SLC16A8: variants seen among roughly 807,000 people sequenced by gnomAD.
SLC16A8 encodes monocarboxylate transporter 3.
In SLC16A8, 20 loss-of-function variants were observed where a neutral mutation model predicts 22.4. The observed-to-expected ratio is 0.89, with a 90% CI of 0.63 to 1.30. SLC16A8 has a LOEUF of 1.30. Among genes scored for constraint, SLC16A8 ranks in the 50% most tolerant of loss-of-function variants. The probability of loss-of-function intolerance (pLI) is 0.00; values close to 1 mark genes in which losing one functional copy is unlikely to be tolerated. For synonymous variants in SLC16A8, 393 were observed against 358.8 expected, an observed-to-expected ratio of 1.10 and a Z score of -1.08; for missense variants, 817 against 740.3, an observed-to-expected ratio of 1.10 and a Z score of -1.20.
rs2085916888 is a variant in SLC16A8, at chr22:38,081,481, T to G, written c.557A>C (p.His186Pro). ...CATGACAGCCCCGCAGGCGCAGCAGTGCAGCAGGAGCCCGCCGAGCAGCAG... is the reference window on the plus strand; with the variant it reads ...CATGACAGCCCCGCAGGCGCAGCAGGGCAGCAGGAGCCCGCCGAGCAGCAG... The part of the protein sequence containing the change: ...GFLLLGGLLL[H>P]CCACGAVMRP... The change falls in exon 5 of 6, where the codon CAC becomes CCC. Residue 186 changes from histidine to proline, a missense_variant. Transcript: ENST00000681075. The G allele has an allele frequency of 7.2e-7, 1 of 1,392,316 alleles. No individual in the cohort carries two copies. The highest frequency in any genetic ancestry group is 9.2e-7 in the Non-Finnish European group (1 of 1,086,552). The allele number at this position is 1,392,316 out of a possible 1,614,324, so 86.2% of individuals were successfully genotyped here.
At chr22:38,079,534 A>G (rs1031126953) in intron 5 of SLC16A8, among the ~76,000 whole-genome samples, 8 of 152,032 alleles carry the variant, frequency 5.3e-5, no homozygotes, top group African/African-American at 1.7e-4. Flanking sequence ...CCATCCTCCC[A>G]CTTCAGCCTC....
In SLC16A8 at chr22:38,082,865, A is replaced by C. The variant is rs1438975335; in HGVS notation, c.9T>G (p.Ala3=). 11 of 1,542,724 alleles carry C rather than the reference A, an allele frequency of 7.1e-6. No individual in the cohort carries two copies. The highest frequency in any genetic ancestry group is 9.6e-6 in the Non-Finnish European group (11 of 1,148,440). The part of the protein sequence containing the change: MG[A]GGPRRGEGPP... ...GGCCCTCGCCCCGCCGGGGGCCGCC[A>C]GCGCCCATCGCTGCCTCTGTTGGGA... The change falls in exon 3 of 6, where the codon GCT becomes GCG. Residue 3 remains alanine (A), a synonymous_variant. Coordinates refer to ENST00000681075, the MANE Select transcript of SLC16A8 (RefSeq NM_013356.3).
Position 38,081,409 on chromosome 22 carries a change from C to A in SLC16A8, c.629G>T (p.Gly210Val). 1 of 1,342,180 alleles carries A rather than the reference C, an allele frequency of 7.5e-7. No homozygotes were observed. The highest frequency in any genetic ancestry group is 9.5e-7 in the Non-Finnish European group (1 of 1,052,886). 83.1% of individuals were successfully genotyped at this position (1,342,180 alleles called of 1,614,324 possible). ...GCCCGGAGCGTCCCCGGCGCGGTCG[C>A]CGGCGCTGTCCCTGCGCGGTCGCGG... ...PGPRPRRDSA[G>V]DRAGDAPGEA... The change falls in exon 5 of 6, where the codon GGC becomes GTC. Residue 210 changes from glycine to valine, a missense_variant. By Grantham distance (109) the Gly-to-Val change is moderately radical. Transcript: ENST00000681075.
Position 38,081,954 on chromosome 22 carries a change from C to T in SLC16A8, c.293G>A (p.Gly98Asp). 1 of 1,564,670 alleles carries T rather than the reference C, an allele frequency of 6.4e-7. No individual in the cohort carries two copies. Among genetic ancestry groups the T allele is most frequent in the Non-Finnish European group, 8.7e-7 (1 of 1,154,788 alleles). ...MLAGGLLASA[G>D]MILASFATRL... Reference sequence around the variant, plus strand: ...CGTGGCAAAGGAAGCTAGGATCATGCCCGCGGAAGCCAGCAGCCCACCCGC... The same window carrying T: ...CGTGGCAAAGGAAGCTAGGATCATGTCCGCGGAAGCCAGCAGCCCACCCGC... Residue 98 changes from glycine to aspartate, a missense_variant, in exon 4 of 6, where the codon GGC (glycine) becomes GAC (aspartate). By Grantham distance (94) the Gly-to-Asp change is moderately conservative. Transcript: ENST00000681075.
Position 38,081,153 on chromosome 22 carries a change from C to T in SLC16A8, c.885G>A (p.Val295=). The change falls in exon 5 of 6, where the codon GTG becomes GTA. Residue 295 remains valine (V), a synonymous_variant. Transcript: ENST00000681075. ...GGCGCGCCACGATGTCCACGAAGCC[C>T]ACGATGGACAGCAGGAAGGCGGCGT... The part of the protein sequence containing the change: ...DTDAAFLLSI[V]GFVDIVARPA... The T allele has an allele frequency of 6.5e-7, 1 of 1,550,106 alleles. No individual in the cohort carries two copies. The highest frequency in any genetic ancestry group is 8.7e-7 in the Non-Finnish European group (1 of 1,146,804).
chr22:38,082,732 G>C lies in SLC16A8; in HGVS notation c.142C>G (p.Arg48Gly), dbSNP rs1471366748. The change falls in exon 3 of 6, where the codon CGC becomes GGC. Residue 48 changes from arginine (R) to glycine (G), a missense_variant. Arg to Gly is a moderately radical substitution (Grantham distance 125, BLOSUM62 -2). Transcript: ENST00000681075. ...TCGCTGTAGCCGGCGTCGAAGTCGC[G>C]CATGAGCGCGCGGAAGAAGACGCTC... ...AVSVFFRALM[R>G]DFDAGYSDTA... 1 of 1,591,486 alleles carries C rather than the reference G, an allele frequency of 6.3e-7. No homozygotes were observed. The highest frequency in any genetic ancestry group is 2.3e-5 in the East Asian group (1 of 44,008).
rs774936111 is a variant in SLC16A8, at chr22:38,081,929, C to A, written c.318G>T (p.Thr106=). Residue 106 remains threonine, a synonymous_variant, in exon 4 of 6, where the codon ACG becomes ACT. Coordinates refer to ENST00000681075, the MANE Select transcript of SLC16A8 (RefSeq NM_013356.3). The part of the protein sequence containing the change: ...SAGMILASFA[T]RLLELYLTAG... ...CGGTCAGGTAGAGCTCCAGGAGGCG[C>A]GTGGCAAAGGAAGCTAGGATCATGC... is the stretch of plus-strand genomic sequence containing the variant. The A allele has an allele frequency of 8.2e-6, 13 of 1,575,986 alleles. No individual in the cohort carries two copies. Among genetic ancestry groups the A allele is most frequent in the Non-Finnish European group, 1.0e-5 (12 of 1,160,956 alleles).
Position 38,081,933 on chromosome 22 carries a change from G to A in SLC16A8, c.314C>T (p.Ala105Val). The change falls in exon 4 of 6, where the codon GCC becomes GTC. Residue 105 changes from alanine to valine, a missense_variant. Physicochemically the swap from Ala to Val is moderately conservative, Grantham distance 64 (BLOSUM62 0). Transcript: ENST00000681075. ...ASAGMILASF[A>V]TRLLELYLTA... ...CAGGTAGAGCTCCAGGAGGCGCGTG[G>A]CAAAGGAAGCTAGGATCATGCCCGC... 1.9e-6 allele frequency: 3 copies of A among 1,574,306 alleles called. No individual in the cohort carries two copies. The highest frequency in any genetic ancestry group is 3.3e-4 in the Middle Eastern group (2 of 5,998).
Position 38,082,815 on chromosome 22 carries a change from AC to A in SLC16A8, c.58del (p.Val20TrpfsTer20). The A allele has an allele frequency of 6.3e-7, 1 of 1,583,402 alleles. No homozygotes were observed. ...EGPPDGGWGW[V>X]VLGACFVVTG... ...GACCACAAAGCAGGCGCCCAGCACC[AC>A]CCAGCCCCAGCCGCCGTCTGGGGGG... On this transcript the variant is annotated frameshift_variant, in exon 3 of 6. Coordinates refer to ENST00000681075, the MANE Select transcript of SLC16A8 (RefSeq NM_013356.3). LOFTEE classifies it high-confidence loss of function.
In SLC16A8 at chr22:38,082,652, A is replaced by C; in HGVS notation, c.214+8T>G. 1 of 1,556,018 alleles carries C rather than the reference A, an allele frequency of 6.4e-7. No homozygotes were observed. The highest frequency in any genetic ancestry group is 8.7e-7 in the Non-Finnish European group (1 of 1,151,152). On this transcript the variant is annotated splice_region_variant and intron_variant, in intron 3 of 5. Coordinates refer to ENST00000681075, the MANE Select transcript of SLC16A8 (RefSeq NM_013356.3). Reference sequence around the variant, plus strand: ...CGGGGAGGCGGAGGGCCGGGCGGGGACACTGACCCGTGCCGTAGAGCATGG... The same window carrying C: ...CGGGGAGGCGGAGGGCCGGGCGGGGCCACTGACCCGTGCCGTAGAGCATGG...
chr22:38,082,813 C>A lies in SLC16A8; in HGVS notation c.61G>T (p.Val21Leu). The part of the protein sequence containing the change: ...GPPDGGWGWV[V>L]LGACFVVTGF... Reference sequence around the variant, plus strand: ...GTGACCACAAAGCAGGCGCCCAGCACCACCCAGCCCCAGCCGCCGTCTGGG... The same window carrying A: ...GTGACCACAAAGCAGGCGCCCAGCAACACCCAGCCCCAGCCGCCGTCTGGG... Residue 21 changes from valine to leucine, a missense_variant, in exon 3 of 6, where the codon GTG (valine) becomes TTG (leucine). Transcript: ENST00000681075. 1 of 1,585,588 alleles carries A rather than the reference C, an allele frequency of 6.3e-7. No individual in the cohort carries two copies. Among genetic ancestry groups the A allele is most frequent in the South Asian group, 1.1e-5 (1 of 88,328 alleles).
chr22:38,081,889 C>T lies in SLC16A8; in HGVS notation c.358G>A (p.Gly120Ser). ...ELYLTAGVLT[G>S]LGLALNFQPS... The stretch of plus-strand genomic sequence containing the variant: ...GGAGAGGAGACCAGGGGGCCCTCAC[C>T]TGTGAGCACCCCAGCGGTCAGGTAG... The change falls in exon 4 of 6, where the codon GGC (glycine) becomes AGC (serine). Residue 120 changes from glycine (G) to serine (S), a missense_variant and splice_region_variant. Physicochemically the swap from Gly to Ser is moderately conservative, Grantham distance 56. Coordinates refer to ENST00000681075, the MANE Select transcript of SLC16A8 (RefSeq NM_013356.3). The T allele has an allele frequency of 6.3e-7, 1 of 1,593,658 alleles. No individual in the cohort carries two copies. Among genetic ancestry groups the T allele is most frequent in the Non-Finnish European group, 8.5e-7 (1 of 1,170,718 alleles).
intron 1 of SLC16A8, among the ~76,000 whole-genome samples, 199 bp from the exon 2 acceptor site, chr22:38,083,560 G>A (rs563455246): frequency 6.6e-6 from 1 of 150,484 alleles, no homozygotes; most frequent in South Asian, 2.1e-4. Context: ...AATCTTGCGG[G>A]AGAGGAGTCA....
At position 38,082,845 on chromosome 22, in the gene SLC16A8, TCGCCCCGCCGGGGGCCGCCAG is replaced by T; in HGVS notation, c.8_28del (p.Ala3_Gly9del). 4 of 1,560,806 alleles carry T rather than the reference TCGCCCCGCCGGGGGCCGCCAG, an allele frequency of 2.6e-6. No individual in the cohort carries two copies. Among genetic ancestry groups the T allele is most frequent in the Non-Finnish European group, 3.5e-6 (4 of 1,158,016 alleles). ...GCCCCAGCCGCCGTCTGGGGGGCCC[TCGCCCCGCCGGGGGCCGCCAG>T]CGCCCATCGCTGCCTCTGTTGGGAG... On this transcript the variant is annotated inframe_deletion, in exon 3 of 6. Transcript: ENST00000681075.
chr22:38,079,068 G>A (rs1282711437), intron 5 of SLC16A8, among the ~76,000 whole-genome samples: 1 of 152,024 alleles, frequency 6.6e-6, no homozygotes, highest in Non-Finnish European at 1.5e-5. Context: ...CCCTCCTGGG[G>A]GCCTCCACCT....
chr22:38,078,302 A>G lies in SLC16A8; in HGVS notation c.*86T>C. The G allele has an allele frequency of 1.5e-6, 2 of 1,368,920 alleles. No homozygotes were observed. The highest frequency in any genetic ancestry group is 2.0e-6 in the Non-Finnish European group (2 of 1,002,792). The allele number at this position is 1,368,920 out of a possible 1,614,324, so 84.8% of individuals were successfully genotyped here. ...CGTGGACCCCGGGAGTGACCACCCC[A>G]GACCAGCCTCCCAGCGTACCAGGCT... On this transcript the variant is annotated 3_prime_UTR_variant, in exon 6 of 6. Coordinates refer to ENST00000681075, the MANE Select transcript of SLC16A8 (RefSeq NM_013356.3).
In SLC16A8 at chr22:38,081,083, C is replaced by A. The variant is rs768355397; in HGVS notation, c.955G>T (p.Val319Phe). 6.4e-7 allele frequency: 1 copy of A among 1,565,956 alleles called. No individual in the cohort carries two copies. The highest frequency in any genetic ancestry group is 8.6e-7 in the Non-Finnish European group (1 of 1,159,452). The change falls in exon 5 of 6, where the codon GTC (valine) becomes TTC (phenylalanine). Residue 319 changes from valine (V) to phenylalanine (F), a missense_variant. Physicochemically the swap from Val to Phe is conservative, Grantham distance 50 (BLOSUM62 -1). Transcript: ENST00000681075. ...AGGGCCAGGCTGAACAGATACGGGA[C>A]GTGCGGCCGCAGACGCGCCAGGCCC... ...LAGLARLRPH[V>F]PYLFSLALLA... is the part of the protein sequence containing the mutation.
At chr22:38,082,992 G>C in intron 2 of SLC16A8, 50 bp downstream of exon 2, 2 of 700,354 alleles carry the variant, frequency 2.9e-6, no homozygotes, top group Non-Finnish European at 2.3e-6. Flanking sequence ...CCCACGTGAG[G>C]GTGGCTCAGG....
At position 38,080,971 on chromosome 22, in the gene SLC16A8, G is replaced by T; in HGVS notation, c.1067C>A (p.Ser356Tyr). The change falls in exon 5 of 6, where the codon TCC becomes TAC. Residue 356 changes from serine to tyrosine, a missense_variant. Physicochemically the swap from Ser to Tyr is moderately radical, Grantham distance 144 (BLOSUM62 -2). Transcript: ENST00000681075. ...CTGCAGCGCGCCCACCATGCCGTAG[G>T]AGAGGCCGAAGGCGACGCAGAAGGC... Reference protein sequence around the residue: ...LVAFCVAFGLSYGMVGALQFE... With the variant: ...LVAFCVAFGLYYGMVGALQFE... 6.3e-7 allele frequency: 1 copy of T among 1,597,286 alleles called. No homozygotes were observed.
Sources: allele counts gnomAD v4.1 joint callset (sites outside exome capture counted in the v4.1 genomes callset), GRCh38; gene constraint gnomAD v4.1.1; transcripts MANE v1.5; gene names NCBI Gene and HGNC (gene_info 2026-07-23, HGNC 2026-07-21).